Variants in NR6A1 observed in about 807,000 individuals in gnomAD.
NR6A1 encodes retinoic acid receptor-related testis-associated receptor.
In NR6A1, 7 loss-of-function variants were observed where a neutral mutation model predicts 59.1. The observed-to-expected ratio is 0.12, with a 90% CI of 0.07 to 0.22. The LOEUF is 0.22. NR6A1 is among the 10% of genes least tolerant of loss of function. NR6A1 has a pLI of 1.00. For synonymous variants in NR6A1, 243 were observed against 236.1 expected, an observed-to-expected ratio of 1.03 and a Z score of -0.27; for missense variants, 468 against 611.6, an observed-to-expected ratio of 0.77 and a Z score of 2.48.
chr9:124,610,436 C>T lies in NR6A1; in HGVS notation c.143-55866G>A, dbSNP rs545035895. Among the ~76,000 whole-genome samples the T allele has an allele frequency of 3.3e-5, 5 of 152,258 alleles. No homozygotes were observed. In the South Asian group the frequency reaches 1.0e-3, roughly 32 times the overall value. On this transcript the variant is annotated intron_variant, in intron 2 of 9. Transcript: ENST00000487099. Reference sequence around the variant, plus strand: ...TGTGTAGGTTAAACTAGCCTTGCATCCTGGGGATGAAGCCAAAGTGCTCGT... The same window carrying T: ...TGTGTAGGTTAAACTAGCCTTGCATTCTGGGGATGAAGCCAAAGTGCTCGT...
At chr9:124,731,795 C>T (rs1385594500) in intron 2 of NR6A1, among the ~76,000 whole-genome samples, 1 of 152,086 alleles carries the variant, frequency 6.6e-6, no homozygotes, top group Non-Finnish European at 1.5e-5. Context: ...ATATAACATA[C>T]AAAATTATGT....
At chr9:124,550,670 T>C (rs191135170) in intron 3 of NR6A1, among the ~76,000 whole-genome samples, 11 of 151,912 alleles carry the variant, frequency 7.2e-5, no homozygotes, top group Non-Finnish European at 1.2e-4. Flanking sequence ...AATGGTGATT[T>C]TTCTATTTCC....
intron 2 of NR6A1, among the ~76,000 whole-genome samples, chr9:124,604,359 A>C (rs768113326): frequency 2.0e-5 from 3 of 151,800 alleles, no homozygotes; most frequent in Non-Finnish European, 4.4e-5. Flanking sequence ...CCAAGCCAAA[A>C]ACCTGGCACT....
At chr9:124,581,467 C>T (rs1441094553) in intron 2 of NR6A1, among the ~76,000 whole-genome samples, 1 of 152,102 alleles carries the variant, frequency 6.6e-6, no homozygotes, top group African/African-American at 2.4e-5. Flanking sequence ...TGGTGCATGC[C>T]TGTAGTCCCA....
At chr9:124,634,088 T>A (rs181205416) in intron 2 of NR6A1, among the ~76,000 whole-genome samples, 1 of 152,346 alleles carries the variant, frequency 6.6e-6, no homozygotes, top group East Asian at 1.9e-4. Flanking sequence ...ATTTGTATAG[T>A]CAGCCTGTCA....
intron 1 of NR6A1, among the ~76,000 whole-genome samples, chr9:124,763,133 G>A (rs1186024837): frequency 6.6e-6 from 1 of 152,222 alleles, no homozygotes; most frequent in Non-Finnish European, 1.5e-5. Flanking sequence ...GTTTGCACCA[G>A]AAGTGCTTGG....
At position 124,764,144 on chromosome 9, in the gene NR6A1, G is replaced by A. The variant is rs181375409; in HGVS notation, c.100+6876C>T. 4.0e-5 allele frequency among the ~76,000 whole-genome samples: 6 copies of A among 150,724 alleles called. No homozygotes were observed. In the East Asian group the frequency reaches 7.8e-4, roughly 20 times the overall value. On this transcript the variant is annotated intron_variant, in intron 1 of 9. Transcript: ENST00000487099. ...GGTTGCAGTGAGCAGAGATCGCACC[G>A]CTGCACTCCAGCCTGGGCAACAGAG...
At chr9:124,588,822 AGGCAGGAGAAT>A (rs1835013439) in intron 2 of NR6A1, among the ~76,000 whole-genome samples, 1 of 148,488 alleles carries the variant, frequency 6.7e-6, no homozygotes, top group Non-Finnish European at 1.5e-5. Flanking sequence ...CGGGAGGCTG[AGGCAGGAGAAT>A]GGCGCGAACC....
intron 2 of NR6A1, among the ~76,000 whole-genome samples, chr9:124,611,324 C>T (rs1480988845): frequency 2.0e-5 from 3 of 152,090 alleles, no homozygotes; most frequent in Admixed American, 6.5e-5. Context: ...ACGTTCTCTA[C>T]AAGAATCTCT....
chr9:124,594,367 A>C (rs1461138505), intron 2 of NR6A1, among the ~76,000 whole-genome samples: 2 of 152,176 alleles, frequency 1.3e-5, no homozygotes, highest in Non-Finnish European at 2.9e-5. Flanking sequence ...TTTCTCTTTC[A>C]GAGCTAGCAG....
intron 1 of NR6A1, among the ~76,000 whole-genome samples, chr9:124,742,933 C>A (rs1314134696): frequency 1.3e-5 from 2 of 152,180 alleles, no homozygotes; most frequent in African/African-American, 4.8e-5. Context: ...GCAGCCAAAA[C>A]ACACATGGCT....
chr9:124,574,271 G>A (rs2131439443), intron 2 of NR6A1, among the ~76,000 whole-genome samples: 1 of 152,238 alleles, frequency 6.6e-6, no homozygotes, highest in East Asian at 1.9e-4. Context: ...TTATGACACT[G>A]GTTTCAGAGT....
intron 1 of NR6A1, among the ~76,000 whole-genome samples, chr9:124,769,843 T>G (rs748650676): frequency 3.3e-5 from 5 of 152,154 alleles, no homozygotes; most frequent in Non-Finnish European, 7.4e-5. Context: ...CCTGCGCTAA[T>G]TGCTCCAGGG....
intron 2 of NR6A1, among the ~76,000 whole-genome samples, chr9:124,686,684 T>A (rs1042068593): frequency 6.6e-6 from 1 of 151,478 alleles, no homozygotes; most frequent in Non-Finnish European, 1.5e-5. Flanking sequence ...GATGGAGAAA[T>A]CATGTGCTTC....
intron 2 of NR6A1, among the ~76,000 whole-genome samples, chr9:124,696,592 G>A (rs548276103): frequency 1.6e-5 from 2 of 128,810 alleles, no homozygotes; most frequent in African/African-American, 6.2e-5. Context: ...GTGTGATCTC[G>A]GCTCACTGCA....
At chr9:124,537,685 T>C (rs1187366935) in intron 6 of NR6A1, among the ~76,000 whole-genome samples, 1 of 152,062 alleles carries the variant, frequency 6.6e-6, no homozygotes, top group African/African-American at 2.4e-5. Context: ...AGGCTAGCCA[T>C]GGGGATGCTG....
At chr9:124,743,325 C>G (rs1464500524) in intron 1 of NR6A1, among the ~76,000 whole-genome samples, 1 of 152,214 alleles carries the variant, frequency 6.6e-6, no homozygotes, top group African/African-American at 2.4e-5. Context: ...AATGCAGAAA[C>G]ATAGCACCAC....
intron 2 of NR6A1, among the ~76,000 whole-genome samples, chr9:124,578,133 AC>A (rs1834658853): frequency 6.6e-6 from 1 of 151,896 alleles, no homozygotes; most frequent in Non-Finnish European, 1.5e-5. Flanking sequence ...TTTACTGAGT[AC>A]TCTTTGGGAC....
At chr9:124,742,355 G>A (rs186464197) in intron 1 of NR6A1, among the ~76,000 whole-genome samples, 1 of 152,194 alleles carries the variant, frequency 6.6e-6, no homozygotes, top group Non-Finnish European at 1.5e-5. Flanking sequence ...CTGAGGTTAG[G>A]AGTTTGAGAC....
Sources: gnomAD v4.1 joint callset for allele counts (sites outside exome capture counted in the v4.1 genomes callset) on GRCh38, gnomAD v4.1.1 for gene constraint, MANE v1.5 for transcripts, NCBI Gene and HGNC (gene_info 2026-07-23, HGNC 2026-07-21) for gene names.